KCTD20: variants seen among roughly 807,000 people sequenced by gnomAD.
KCTD20 encodes BTB/POZ domain-containing protein KCTD20.
In KCTD20, 30 loss-of-function variants were observed where a neutral mutation model predicts 39.6. The ratio of observed to expected loss-of-function variants is 0.76; its 90% confidence interval spans 0.57 to 1.03. The LOEUF is 1.03. Among genes scored for constraint, KCTD20 ranks in the 50% least tolerant of loss-of-function variants. The pLI is 0.00. For synonymous variants in KCTD20, 162 were observed against 180.6 expected (o/e 0.90, Z 0.83); for missense variants, 422 against 522.0 (o/e 0.81, Z 1.87).
At chr6:36,466,013 G>T (rs974888302) in intron 1 of KCTD20, among the ~76,000 whole-genome samples, 1 of 151,778 alleles carries the variant, frequency 6.6e-6, no homozygotes, top group East Asian at 1.9e-4. Flanking sequence ...GAGTTGTGTT[G>T]ACCAAAAAAT....
intron 2 of KCTD20, among the ~76,000 whole-genome samples, chr6:36,473,642 G>A (rs1394767478): frequency 2.0e-5 from 3 of 151,870 alleles, no homozygotes; most frequent in African/African-American, 7.3e-5. Context: ...GCATGGTGGC[G>A]GGCTCCTGTA....
chr6:36,485,789 G>T (rs1021859713), intron 7 of KCTD20, among the ~76,000 whole-genome samples: 15 of 151,920 alleles, frequency 9.9e-5, no homozygotes, highest in African/African-American at 1.4e-4. Flanking sequence ...ACGGCGCCTG[G>T]CCCCCTATGT....
chr6:36,463,376 A>C lies in KCTD20; in HGVS notation c.-46-6676A>C, dbSNP rs1041015934. Among the ~76,000 whole-genome samples, 7 of 152,324 alleles carry C rather than the reference A, an allele frequency of 4.6e-5. No individual in the cohort carries two copies. In the South Asian group the frequency reaches 6.2e-4, roughly 14 times the overall value. On this transcript the variant is annotated intron_variant, in intron 1 of 7. Coordinates refer to ENST00000373731, the MANE Select transcript of KCTD20 (RefSeq NM_173562.5). The stretch of plus-strand genomic sequence containing the variant: ...GTTAAGTAATATAACAAGGTACAAA[A>C]TATGGTATTTTATTTGGTAGAATAT...
rs372540902 is a variant in KCTD20 at position 36,482,671 on chromosome 6, C to T, written c.856+912C>T. 1.8e-4 allele frequency among the ~76,000 whole-genome samples: 28 copies of T among 152,054 alleles called. 1 individual carries two copies. Among genetic ancestry groups the T allele is most frequent in the African/African-American group, 4.8e-4 (20 of 41,474 alleles). On this transcript the variant is annotated intron_variant, in intron 6 of 7. Transcript: ENST00000373731. ...TTGGACGTTTAAACTATTGGCCAGG[C>T]GCAGTGGCTCATGCCTGTAATCCCA...
In KCTD20 at chr6:36,470,093, T is replaced by G. The variant is rs1346492965; in HGVS notation, c.-5T>G. 1.3e-5 allele frequency: 21 copies of G among 1,611,198 alleles called. No homozygotes were observed. The highest frequency in any genetic ancestry group is 1.5e-5 in the Non-Finnish European group (18 of 1,178,156). On this transcript the variant is annotated 5_prime_UTR_variant, in exon 2 of 8. Coordinates refer to ENST00000373731, the MANE Select transcript of KCTD20 (RefSeq NM_173562.5). ...AACGGACAGTTCAGGACTCAGAATCTAAGGATGAATGTTCACCGTGGCAGT... is the reference window on the plus strand; with the variant it reads ...AACGGACAGTTCAGGACTCAGAATCGAAGGATGAATGTTCACCGTGGCAGT...
intron 2 of KCTD20, among the ~76,000 whole-genome samples, chr6:36,473,549 G>A (rs1775973631): frequency 6.6e-6 from 1 of 151,888 alleles, no homozygotes; most frequent in Non-Finnish European, 1.5e-5. Context: ...AAGGCGGGCG[G>A]ATCACGAGAT....
At chr6:36,456,889 T>C (rs1431767911) in intron 1 of KCTD20, among the ~76,000 whole-genome samples, 1 of 152,126 alleles carries the variant, frequency 6.6e-6, no homozygotes, top group Non-Finnish European at 1.5e-5. Flanking sequence ...GCTAGTCTCA[T>C]GCAATCCTCC....
At chr6:36,448,785 G>GT in intron 1 of KCTD20, among the ~76,000 whole-genome samples, 1 of 152,300 alleles carries the variant, frequency 6.6e-6, no homozygotes, top group Middle Eastern at 3.4e-3. Context: ...CGCGGTGAGT[G>GT]TTACAATTCT....
intron 1 of KCTD20, chr6:36,452,690 A>G (rs1561943293): frequency 6.6e-6 from 1 of 152,002 alleles, no homozygotes; most frequent in Non-Finnish European, 1.5e-5. Context: ...GGTGTACACC[A>G]TGACACCTGG....
Position 36,488,479 on chromosome 6 carries a change from T to G in KCTD20, c.*1304T>G, listed in dbSNP as rs1398829032. On this transcript the variant is annotated 3_prime_UTR_variant, in exon 8 of 8. Transcript: ENST00000373731. ...TAAATTTAGAGTGCAGAGCCAGATA[T>G]AAGTATTTTGGAATTATCTCCCAGT... The G allele has an allele frequency of 6.6e-6, 1 of 152,184 alleles. No individual in the cohort carries two copies. The highest frequency in any genetic ancestry group is 1.5e-5 in the Non-Finnish European group (1 of 68,026). 9.4% of individuals were successfully genotyped at this position (152,184 alleles called of 1,614,324 possible). A position where few individuals can be genotyped will look rare whatever the true frequency, so the allele number is the denominator to read the frequency against.
chr6:36,487,320 T>C lies in KCTD20; in HGVS notation c.*145T>C. ...TTTCTGCCATAATTAACATATGTCC[T>C]TTTCAGTAAGTCCATGCCTCTGGCA... On this transcript the variant is annotated 3_prime_UTR_variant, in exon 8 of 8. Transcript: ENST00000373731. 1.3e-6 allele frequency: 1 copy of C among 790,976 alleles called. No homozygotes were observed. The highest frequency in any genetic ancestry group is 2.5e-5 in the East Asian group (1 of 39,268). The allele number at this position is 790,976 out of a possible 1,614,324, so 49.0% of individuals were successfully genotyped here. A position where few individuals can be genotyped will look rare whatever the true frequency, so the allele number is the denominator to read the frequency against.
chr6:36,488,547 T>C lies in KCTD20; in HGVS notation c.*1372T>C, dbSNP rs1321279764. Reference sequence around the variant, plus strand: ...TGGAATACAGGTTGAGTATCTCTTATCCAAAATGCTAGGGACCAGAAAGGT... The same window carrying C: ...TGGAATACAGGTTGAGTATCTCTTACCCAAAATGCTAGGGACCAGAAAGGT... On this transcript the variant is annotated 3_prime_UTR_variant, in exon 8 of 8. Transcript: ENST00000373731. The C allele has an allele frequency of 6.6e-6, 1 of 152,206 alleles. No individual in the cohort carries two copies. The highest frequency in any genetic ancestry group is 1.5e-5 in the Non-Finnish European group (1 of 68,030). The allele number at this position is 152,206 out of a possible 1,614,324, so 9.4% of individuals were successfully genotyped here.
chr6:36,454,199 A>G (rs1349672008), intron 1 of KCTD20, among the ~76,000 whole-genome samples: 1 of 152,204 alleles, frequency 6.6e-6, no homozygotes, highest in Non-Finnish European at 1.5e-5. Flanking sequence ...CTTCTATATG[A>G]GCAGTGGACA....
Position 36,481,675 on chromosome 6 carries a change from T to C in KCTD20, c.772T>C (p.Cys258Arg). 3 of 1,614,130 alleles carry C rather than the reference T, an allele frequency of 1.9e-6. No individual in the cohort carries two copies. Among genetic ancestry groups the C allele is most frequent in the Non-Finnish European group, 2.5e-6 (3 of 1,180,006 alleles). The change falls in exon 6 of 8, where the codon TGC becomes CGC. Residue 258 changes from cysteine to arginine, a missense_variant. Cys to Arg is a radical substitution (Grantham distance 180). Transcript: ENST00000373731. ...CTGTGCCAAGAAAGGAGAACGAGAG[T>C]GCCACATTGTTGTGCTGACGGATGA... ...VGCAKKGERE[C>R]HIVVLTDEDS...
At chr6:36,481,523 T>G in intron 5 of KCTD20, 39 bp from the exon 6 acceptor site, 3 of 1,461,816 alleles carry the variant, frequency 2.1e-6, no homozygotes, top group Non-Finnish European at 2.9e-6. Context: ...TATGTGCATT[T>G]AGGCAGAAAG....
intron 5 of KCTD20, 122 bp downstream of exon 5, chr6:36,479,833 C>T (rs962781051): frequency 1.9e-5 from 15 of 788,292 alleles, no homozygotes; most frequent in Non-Finnish European, 2.3e-5. Flanking sequence ...GCTCTGTCGC[C>T]GAGGCTGGAG....
intron 1 of KCTD20, among the ~76,000 whole-genome samples, chr6:36,464,015 T>C (rs960528732): frequency 1.5e-4 from 23 of 152,114 alleles, no homozygotes; most frequent in Admixed American, 4.6e-4. Context: ...ATGCTATGAT[T>C]GAATAAAAAG....
At chr6:36,483,392 T>C (rs1776322947) in intron 6 of KCTD20, among the ~76,000 whole-genome samples, 1 of 151,664 alleles carries the variant, frequency 6.6e-6, no homozygotes, top group Non-Finnish European at 1.5e-5. Flanking sequence ...TTTGTATTAT[T>C]AATAGAAACG....
intron 7 of KCTD20, 48 bp from the exon 8 acceptor site, chr6:36,486,835 G>A (rs375891665): frequency 6.8e-7 from 1 of 1,467,290 alleles, no homozygotes; most frequent in African/African-American, 1.4e-5. Flanking sequence ...ATGGACACCA[G>A]AGTGAGCACA....
Sources: gnomAD v4.1 joint callset for allele counts (sites outside exome capture counted in the v4.1 genomes callset) on GRCh38, gnomAD v4.1.1 for gene constraint, MANE v1.5 for transcripts, NCBI Gene and HGNC (gene_info 2026-07-23, HGNC 2026-07-21) for gene names.